Variants in ABCG1 observed in about 807,000 individuals in gnomAD.
The protein encoded by ABCG1 is ATP binding cassette subfamily G member 1.
ABCG1 carries 29 observed loss-of-function variants against 69.2 expected under a neutral mutation model. That is an observed-to-expected ratio of 0.42 (90% confidence interval 0.31 to 0.57). The LOEUF is 0.57. Ranked by LOEUF, ABCG1 falls within the 20% of genes least tolerant of loss-of-function variation. ABCG1 has a pLI of 0.15. For missense variants in ABCG1, 718 were observed against 898.1 expected, an observed-to-expected ratio of 0.80 and a Z score of 2.56; for synonymous variants, 370 against 374.8, an observed-to-expected ratio of 0.99 and a Z score of 0.15.
chr21:42,260,007 A>G, intron 2 of ABCG1: 1 of 1,486,732 alleles, frequency 6.7e-7, no homozygotes, highest in Non-Finnish European at 9.1e-7. Flanking sequence ...GGCATCCTGC[A>G]CGTGGTCAGT....
intron 2 of ABCG1, among the ~76,000 whole-genome samples, chr21:42,206,281 T>C (rs2067541680): frequency 6.6e-6 from 1 of 151,758 alleles, no homozygotes; most frequent in South Asian, 2.1e-4. Context: ...GCCCGGGAGG[T>C]GGAGGTTGCA....
At chr21:42,206,070 A>T (rs2067540275) in intron 2 of ABCG1, among the ~76,000 whole-genome samples, 1 of 152,182 alleles carries the variant, frequency 6.6e-6, no homozygotes. Flanking sequence ...CAGAAAACAC[A>T]GTCTGGTGCC....
rs556812549 is a variant in ABCG1 at position 42,295,535 on chromosome 21, G to A, written c.1773-629G>A. Among the ~76,000 whole-genome samples the A allele has an allele frequency of 1.2e-4, 18 of 152,238 alleles. No homozygotes were observed. In the South Asian group the frequency reaches 2.3e-3, roughly 19 times the overall value. Reference sequence around the variant, plus strand: ...GCACGCTGGCCCCACCAGGGGCAGCGCCCATCTTCCGAGCTGCAGAAGTTC... The same window carrying A: ...GCACGCTGGCCCCACCAGGGGCAGCACCCATCTTCCGAGCTGCAGAAGTTC... On this transcript the variant is annotated intron_variant, in intron 14 of 14. Transcript: ENST00000398449.
chr21:42,206,065 AAC>A lies in ABCG1; in HGVS notation c.48+4346_48+4347del, dbSNP rs1250575105. On this transcript the variant is annotated intron_variant, in intron 2 of 15. Transcript: ENST00000398457. Reference sequence around the variant, plus strand: ...TAATTTGATTTCACTTTGACCAGAAAACACAGTCTGGTGCCAGCCATGGTGAC... The same window carrying A: ...TAATTTGATTTCACTTTGACCAGAAAACAGTCTGGTGCCAGCCATGGTGAC... 2.0e-5 allele frequency among the ~76,000 whole-genome samples: 3 copies of A among 152,138 alleles called. No homozygotes were observed. The South Asian group carries it at 6.2e-4, about 31-fold the overall frequency.
rs190400191 is a variant in ABCG1 at position 42,246,578 on chromosome 21, A to G, written c.286+20664A>G. ...TTCAGAAAGTAACAAATGTAATTTC[A>G]AGATACAATGGCGTATGTGTATATA... On this transcript the variant is annotated intron_variant, in intron 2 of 14. Transcript: ENST00000398449. Among the ~76,000 whole-genome samples the G allele has an allele frequency of 4.9e-3, 747 of 152,360 alleles. 2 individuals carry two copies. Among genetic ancestry groups the G allele is most frequent in the Non-Finnish European group, 8.5e-3 (580 of 68,034 alleles).
At chr21:42,211,161 C>T (rs1047202403), upstream of ABCG1, among the ~76,000 whole-genome samples, 6 of 152,102 alleles carry the variant, frequency 3.9e-5, no homozygotes, top group Non-Finnish European at 7.4e-5. Context: ...GGTTTCACCG[C>T]GTTGGCCAGG....
intron 5 of ABCG1, among the ~76,000 whole-genome samples, chr21:42,278,615 C>A (rs1226257588): frequency 1.3e-5 from 2 of 152,200 alleles, no homozygotes; most frequent in Non-Finnish European, 2.9e-5. Flanking sequence ...CAGGAACCAA[C>A]CCTGCTGCCC....
intron 2 of ABCG1, among the ~76,000 whole-genome samples, chr21:42,207,554 G>C (rs935851420): frequency 1.3e-5 from 2 of 152,210 alleles, no homozygotes; most frequent in African/African-American, 2.4e-5. Context: ...TAACACTGCT[G>C]TCCTCTTTGC....
intron 2 of ABCG1, among the ~76,000 whole-genome samples, chr21:42,258,903 A>G (rs1052446310): frequency 2.0e-5 from 3 of 152,188 alleles, no homozygotes; most frequent in African/African-American, 7.2e-5. Flanking sequence ...AACTTTCTTT[A>G]TCAGCTGACA....
At chr21:42,289,556 A>C (rs11700907) in intron 10 of ABCG1, among the ~76,000 whole-genome samples, 48,173 of 152,036 alleles carry the variant, frequency 0.32, 8,549 homozygotes, top group Non-Finnish European at 0.39. Flanking sequence ...GGGAACCATA[A>C]TTCTACCAGA....
chr21:42,217,548 C>T (rs1455737550), upstream of ABCG1, among the ~76,000 whole-genome samples: 1 of 152,110 alleles, frequency 6.6e-6, no homozygotes, highest in African/African-American at 2.4e-5. Context: ...GCTTTGCTGG[C>T]CTCCCTGCAG....
At chr21:42,247,965 G>A (rs999531374) in intron 2 of ABCG1, among the ~76,000 whole-genome samples, 1 of 152,136 alleles carries the variant, frequency 6.6e-6, no homozygotes, top group Non-Finnish European at 1.5e-5. Flanking sequence ...CGGACATCTC[G>A]ATTTTGAACT....
At chr21:42,208,271 A>G (rs569731341) in intron 2 of ABCG1, among the ~76,000 whole-genome samples, 1 of 139,146 alleles carries the variant, frequency 7.2e-6, no homozygotes, top group East Asian at 2.0e-4. Flanking sequence ...CCAGGTTTTC[A>G]GCTTCTTCAA....
chr21:42,255,184 C>T (rs225377), intron 2 of ABCG1, among the ~76,000 whole-genome samples: 3,866 of 152,354 alleles, frequency 0.025, 60 homozygotes, highest in Non-Finnish European at 0.038. Flanking sequence ...TCAGTACCTG[C>T]GCAGGGGCAG....
chr21:42,262,254 C>T (rs1158463531), intron 2 of ABCG1, among the ~76,000 whole-genome samples: 1 of 152,122 alleles, frequency 6.6e-6, no homozygotes, highest in East Asian at 1.9e-4. Flanking sequence ...TTGAGTCCTC[C>T]GTAAGGGACA....
At chr21:42,229,205 G>A (rs2067864800) in intron 2 of ABCG1, among the ~76,000 whole-genome samples, 1 of 152,184 alleles carries the variant, frequency 6.6e-6, no homozygotes. Flanking sequence ...TTTGTATTTG[G>A]CATCATCTCT....
chr21:42,292,330 C>T (rs1466503288), intron 13 of ABCG1, among the ~76,000 whole-genome samples: 2 of 152,072 alleles, frequency 1.3e-5, no homozygotes, highest in African/African-American at 4.8e-5. Context: ...CCCAGGTGCC[C>T]TCACCTTAGA....
chr21:42,294,819 C>G lies in ABCG1; in HGVS notation c.1772+159C>G, dbSNP rs2069172115. On this transcript the variant is annotated intron_variant, in intron 14 of 14. Transcript: ENST00000398449. ...GCCTTCCATCTTCCTGCTAGTTCCA[C>G]CTCCTCCTACCCTCACCAACACACA... 1.1e-5 allele frequency: 7 copies of G among 654,366 alleles called. No individual in the cohort carries two copies. The South Asian group carries it at 1.2e-4, about 11-fold the overall frequency. The allele number at this position is 654,366 out of a possible 1,614,324, so 40.5% of individuals were successfully genotyped here.
At position 42,271,052 on chromosome 21, in the gene ABCG1, T is replaced by A. The variant is rs1014783726; in HGVS notation, c.287-18T>A. 1.4e-6 allele frequency: 2 copies of A among 1,430,036 alleles called. No homozygotes were observed. The allele number at this position is 1,430,036 out of a possible 1,614,324, so 88.6% of individuals were successfully genotyped here. ...AGATAAAATGAAATGAATATGAATA[T>A]GATCTGCTTTTTTGCAGGATACAAG... On this transcript the variant is annotated intron_variant, in intron 2 of 14. Transcript: ENST00000398449.
Sources: gnomAD v4.1 joint callset for allele counts (sites outside exome capture counted in the v4.1 genomes callset) on GRCh38, gnomAD v4.1.1 for gene constraint, MANE v1.5 for transcripts, NCBI Gene and HGNC (gene_info 2026-07-23, HGNC 2026-07-21) for gene names.